Variants in CSMD1 observed in about 807,000 individuals in gnomAD.
The protein encoded by CSMD1 is CUB and Sushi multiple domains 1.
In CSMD1, 213 loss-of-function variants were observed where a neutral mutation model predicts 417.5. That is an observed-to-expected ratio of 0.51 (90% confidence interval 0.46 to 0.57). CSMD1 has a LOEUF of 0.57. Among genes scored for constraint, CSMD1 ranks in the 20% least tolerant of loss-of-function variants. The probability of loss-of-function intolerance (pLI) is 0.00; values close to 1 mark genes in which losing one functional copy is unlikely to be tolerated. For synonymous variants in CSMD1, 2,862 were observed against 1,736.8 expected, an observed-to-expected ratio of 1.65 and a Z score of -16.11; for missense variants, 6,923 against 4,529.7, an observed-to-expected ratio of 1.53 and a Z score of -15.17.
chr8:3,282,833 C>G (rs1268816417), intron 26 of CSMD1, among the ~76,000 whole-genome samples: 2 of 152,140 alleles, frequency 1.3e-5, no homozygotes, highest in East Asian at 1.9e-4. Context: ...ACTCAATTTT[C>G]TTATGTAAAT....
intron 3 of CSMD1, among the ~76,000 whole-genome samples, chr8:4,307,316 C>T (rs752028549): frequency 6.6e-6 from 1 of 152,118 alleles, no homozygotes; most frequent in South Asian, 2.1e-4. Context: ...ACAGGCATCA[C>T]ACATGTCCAC....
chr8:3,319,178 G>C (rs1235698973), intron 23 of CSMD1, among the ~76,000 whole-genome samples: 2 of 152,032 alleles, frequency 1.3e-5, no homozygotes, highest in Non-Finnish European at 2.9e-5. Context: ...GGAATAAATG[G>C]TCAAAAAAAT....
chr8:3,793,970 T>C (rs1357708592), intron 5 of CSMD1, among the ~76,000 whole-genome samples: 10 of 152,182 alleles, frequency 6.6e-5, no homozygotes, highest in African/African-American at 2.2e-4. Flanking sequence ...GTGTAATAAA[T>C]GGTTCTTCTG....
intron 5 of CSMD1, among the ~76,000 whole-genome samples, chr8:3,804,361 T>C (rs939465464): frequency 2.0e-5 from 3 of 152,156 alleles, no homozygotes; most frequent in African/African-American, 7.2e-5. Flanking sequence ...GTATCAAAAA[T>C]ACCCAGTGTG....
intron 5 of CSMD1, among the ~76,000 whole-genome samples, chr8:3,826,395 C>G (rs145453967): frequency 2.6e-5 from 4 of 152,274 alleles, no homozygotes; most frequent in Non-Finnish European, 2.9e-5. Flanking sequence ...CCCAAGACAA[C>G]TGATCATGAG....
At chr8:4,812,066 T>A (rs1318767939) in intron 1 of CSMD1, among the ~76,000 whole-genome samples, 2 of 152,196 alleles carry the variant, frequency 1.3e-5, no homozygotes, top group Admixed American at 1.3e-4. Context: ...TATAAAACTT[T>A]GGCTTTGACA....
chr8:3,772,284 TAGACATAC>T (rs1798621894), intron 5 of CSMD1, among the ~76,000 whole-genome samples: 1 of 144,936 alleles, frequency 6.9e-6, no homozygotes, highest in African/African-American at 2.5e-5. Context: ...TACATATATT[TAGACATAC>T]ATATGTACAT....
At chr8:3,313,517 A>C (rs1240715883) in intron 23 of CSMD1, among the ~76,000 whole-genome samples, 1 of 152,248 alleles carries the variant, frequency 6.6e-6, no homozygotes, top group Non-Finnish European at 1.5e-5. Flanking sequence ...AAAAATGCTC[A>C]TCATCACTGG....
intron 2 of CSMD1, among the ~76,000 whole-genome samples, chr8:4,489,347 G>A (rs1380164609): frequency 6.6e-6 from 1 of 152,200 alleles, no homozygotes; most frequent in African/African-American, 2.4e-5. Context: ...GTATTTTGCT[G>A]TTGTTTGCTT....
chr8:4,347,129 A>G (rs1347552596), intron 3 of CSMD1, among the ~76,000 whole-genome samples: 1 of 152,154 alleles, frequency 6.6e-6, no homozygotes. Context: ...AGGAAAGATG[A>G]ATGATTTTAG....
chr8:4,266,919 C>A (rs1804263212), intron 3 of CSMD1, among the ~76,000 whole-genome samples: 1 of 103,524 alleles, frequency 9.7e-6, no homozygotes, highest in African/African-American at 2.6e-5. Context: ...TTAATAAAAA[C>A]CAAATGACAT....
intron 2 of CSMD1, among the ~76,000 whole-genome samples, chr8:4,528,048 C>A (rs941425795): frequency 1.3e-5 from 2 of 152,168 alleles, no homozygotes; most frequent in African/African-American, 4.8e-5. Flanking sequence ...TGCATCAAAG[C>A]CTAGAGCCTT....
chr8:3,755,900 A>G (rs763851998), intron 5 of CSMD1, among the ~76,000 whole-genome samples: 64 of 152,232 alleles, frequency 4.2e-4, no homozygotes, highest in Admixed American at 6.5e-4. Flanking sequence ...GCTGACTCCA[A>G]GGCATATTTA....
At chr8:3,714,204 CAT>C (rs1801694371) in intron 6 of CSMD1, among the ~76,000 whole-genome samples, 1 of 150,408 alleles carries the variant, frequency 6.6e-6, no homozygotes, top group Non-Finnish European at 1.5e-5. Flanking sequence ...CCATATATAA[CAT>C]ATAAATGAAT....
Position 4,421,662 on chromosome 8 carries a change from A to C in CSMD1, c.303-1597T>G, listed in dbSNP as rs144418577. ...ATGAAAATATAAAATACAACATATTAAACTTTGTAAGACTCAGCTAAGCAG... is the reference window on the plus strand; with the variant it reads ...ATGAAAATATAAAATACAACATATTCAACTTTGTAAGACTCAGCTAAGCAG... On this transcript the variant is annotated intron_variant, in intron 2 of 69. Coordinates refer to ENST00000635120, the MANE Select transcript of CSMD1 (RefSeq NM_033225.6). Among the ~76,000 whole-genome samples the C allele has an allele frequency of 7.4e-3, 1,123 of 152,226 alleles. 15 individuals carry two copies. The highest frequency in any genetic ancestry group is 0.025 in the African/African-American group (1,043 of 41,556).
At chr8:3,754,366 G>GA (rs1335808874) in intron 5 of CSMD1, among the ~76,000 whole-genome samples, 2 of 151,822 alleles carry the variant, frequency 1.3e-5, no homozygotes, top group Admixed American at 6.6e-5. Flanking sequence ...CAATGAATCA[G>GA]AAAAAAGGAA....
At chr8:4,155,890 T>C (rs1165753795) in intron 3 of CSMD1, among the ~76,000 whole-genome samples, 2 of 152,126 alleles carry the variant, frequency 1.3e-5, no homozygotes, top group African/African-American at 2.4e-5. Context: ...CCCTCTCTGT[T>C]CCCAGTAAGT....
intron 1 of CSMD1, among the ~76,000 whole-genome samples, chr8:4,759,274 A>C (rs1673247): frequency 0.21 from 32,132 of 152,038 alleles, 4,221 homozygotes; most frequent in African/African-American, 0.38. Flanking sequence ...GAAGGATGCC[A>C]CCAGGGAAGG....
intron 5 of CSMD1, among the ~76,000 whole-genome samples, chr8:3,773,882 A>G (rs1186915483): frequency 6.6e-6 from 1 of 152,178 alleles, no homozygotes; most frequent in African/African-American, 2.4e-5. Context: ...TTGCTGAGGA[A>G]AATGCAAACC....
Sources: allele counts gnomAD v4.1 joint callset (sites outside exome capture counted in the v4.1 genomes callset), GRCh38; gene constraint gnomAD v4.1.1; transcripts MANE v1.5; gene names NCBI Gene and HGNC (gene_info 2026-07-23, HGNC 2026-07-21).